Variants in RIMS2 observed in about 807,000 individuals in gnomAD.
RIMS2 encodes the protein regulating synaptic membrane exocytosis 2, also known as regulating synaptic membrane exocytosis protein 2.
RIMS2 carries 59 observed loss-of-function variants against 174.4 expected under a neutral mutation model. That is an observed-to-expected ratio of 0.34 (90% CI 0.27 to 0.42). The LOEUF is 0.42. Among genes scored for constraint, RIMS2 ranks in the 10% least tolerant of loss-of-function variants. RIMS2 has a pLI of 1.00. For synonymous variants in RIMS2, 606 were observed against 572.5 expected (o/e 1.06, Z -0.84); for missense variants, 1,620 against 1,666.3 (o/e 0.97, Z 0.48).
chr8:103,934,207 T>A (rs992224269), intron 12 of RIMS2, among the ~76,000 whole-genome samples: 3 of 152,116 alleles, frequency 2.0e-5, no homozygotes, highest in Non-Finnish European at 4.4e-5. Context: ...TAAAAAAGGA[T>A]TAGGTTGGAT....
intron 3 of RIMS2, among the ~76,000 whole-genome samples, chr8:103,814,669 G>A (rs779569586): frequency 6.6e-6 from 1 of 152,100 alleles, no homozygotes; most frequent in African/African-American, 2.4e-5. Context: ...GAGGCCAGGA[G>A]TTCAAGACTA....
At chr8:104,019,598 TATC>T (rs1363687336) in intron 19 of RIMS2, among the ~76,000 whole-genome samples, 7 of 152,188 alleles carry the variant, frequency 4.6e-5, no homozygotes, top group African/African-American at 1.4e-4. Flanking sequence ...AGGCGACAAA[TATC>T]ATCAGTCATC....
At chr8:104,239,584 T>C (rs2099276101) in intron 19 of RIMS2, among the ~76,000 whole-genome samples, 1 of 152,176 alleles carries the variant, frequency 6.6e-6, no homozygotes, top group Non-Finnish European at 1.5e-5. Context: ...TGTATACTTT[T>C]TTAAATGTAC....
At chr8:103,921,676 T>C (rs1209894714) in exon 10 of RIMS2, 4 of 1,334,054 alleles carry the variant, frequency 3.0e-6, no homozygotes, top group Admixed American at 1.7e-5. Flanking sequence ...TTTCAGGTTC[T>C]AGCTCCTTTG....
chr8:103,808,644 A>G (rs2098666436), intron 3 of RIMS2, among the ~76,000 whole-genome samples: 1 of 152,116 alleles, frequency 6.6e-6, no homozygotes, highest in African/African-American at 2.4e-5. Flanking sequence ...TGTCTCAGCA[A>G]ATTTTAAGAC....
At chr8:104,131,022 C>G (rs961957262) in intron 19 of RIMS2, among the ~76,000 whole-genome samples, 19 of 152,118 alleles carry the variant, frequency 1.2e-4, no homozygotes, top group African/African-American at 3.9e-4. Flanking sequence ...TGCAACGGAG[C>G]TTCTATTTTA....
chr8:103,734,886 C>G (rs1373311858), intron 2 of RIMS2, among the ~76,000 whole-genome samples: 1 of 151,504 alleles, frequency 6.6e-6, no homozygotes, highest in African/African-American at 2.4e-5. Flanking sequence ...CTGGAGGGTT[C>G]TTCTCTCAGT....
intron 1 of RIMS2, among the ~76,000 whole-genome samples, chr8:103,531,252 C>T (rs1054509156): frequency 6.6e-6 from 1 of 151,862 alleles, no homozygotes. Flanking sequence ...CAAAATCGAC[C>T]ATCTCCTATA....
rs192199491 is a variant in RIMS2, at chr8:103,827,088, A to T, written c.699-58210A>T. On this transcript the variant is annotated intron_variant, in intron 3 of 23. Coordinates refer to ENST00000504942, the Ensembl canonical transcript of RIMS2. ...TGATTTGGGAAGAAATAACATCTTA[A>T]CATTGAGTCTTCCAGTGGTGTATCT... is the stretch of plus-strand genomic sequence containing the variant. 1.7e-4 allele frequency among the ~76,000 whole-genome samples: 26 copies of T among 152,306 alleles called. No homozygotes were observed. The East Asian group carries it at 4.8e-3, about 28-fold the overall frequency.
chr8:103,730,917 T>C (rs1381312181), intron 2 of RIMS2, among the ~76,000 whole-genome samples: 40 of 152,124 alleles, frequency 2.6e-4, no homozygotes. Context: ...AGGAAAGAGG[T>C]TTAATTGACT....
chr8:103,746,622 GGCCACA>G (rs1259047454), intron 2 of RIMS2, among the ~76,000 whole-genome samples: 3 of 152,026 alleles, frequency 2.0e-5, no homozygotes, highest in African/African-American at 7.2e-5. Context: ...ACCTCTGAAA[GGCCACA>G]GTGTGTGTGT....
At chr8:104,187,632 A>T (rs2098975236) in intron 19 of RIMS2, among the ~76,000 whole-genome samples, 1 of 151,776 alleles carries the variant, frequency 6.6e-6, no homozygotes, top group South Asian at 2.1e-4. Flanking sequence ...TTGTATTTGG[A>T]AGCATGAAAT....
chr8:104,045,091 C>A (rs2096670511), intron 19 of RIMS2, among the ~76,000 whole-genome samples: 1 of 151,762 alleles, frequency 6.6e-6, no homozygotes, highest in African/African-American at 2.4e-5. Flanking sequence ...ACTCACATCT[C>A]CAATTAATAT....
At chr8:103,893,118 G>A (rs1301836207) in intron 4 of RIMS2, among the ~76,000 whole-genome samples, 2 of 152,026 alleles carry the variant, frequency 1.3e-5, no homozygotes, top group Admixed American at 6.6e-5. Flanking sequence ...GAGGGATAGA[G>A]TAGATTCATT....
chr8:104,126,905 A>G (rs1397317672), intron 19 of RIMS2, among the ~76,000 whole-genome samples: 1 of 152,218 alleles, frequency 6.6e-6, no homozygotes, highest in Non-Finnish European at 1.5e-5. Context: ...ACTTGCCTCA[A>G]GAGCTAAGGG....
chr8:103,967,180 T>C (rs200018451), intron 15 of RIMS2, among the ~76,000 whole-genome samples: 1 of 126,048 alleles, frequency 7.9e-6, no homozygotes, highest in Non-Finnish European at 1.6e-5. Flanking sequence ...GTTTTTTTTT[T>C]TTTTTTTTTT....
At chr8:104,204,626 C>T (rs1001354397) in intron 19 of RIMS2, among the ~76,000 whole-genome samples, 1 of 151,940 alleles carries the variant, frequency 6.6e-6, no homozygotes, top group Non-Finnish European at 1.5e-5. Flanking sequence ...TCTAGAGCAC[C>T]TGATTTAAAA....
intron 15 of RIMS2, 78 bp from the exon 18 acceptor site, chr8:103,975,272 G>T: frequency 3.6e-6 from 3 of 843,254 alleles, no homozygotes; most frequent in East Asian, 2.8e-5. Flanking sequence ...CCAACATTTT[G>T]TTTTTGAGTA....
intron 19 of RIMS2, chr8:104,223,612 G>C: frequency 6.5e-7 from 1 of 1,547,824 alleles, no homozygotes; most frequent in Admixed American, 1.9e-5. Flanking sequence ...CCAAGACGCC[G>C]CGTATCTTGT....
Sources: gnomAD v4.1 joint callset for allele counts (sites outside exome capture counted in the v4.1 genomes callset) on GRCh38, gnomAD v4.1.1 for gene constraint, MANE v1.5 for transcripts, NCBI Gene and HGNC (gene_info 2026-07-23, HGNC 2026-07-21) for gene names.